NRIP3: variants seen among roughly 807,000 people sequenced by gnomAD.
NRIP3 encodes nuclear receptor interacting protein 3.
Under a neutral mutation model 29.0 loss-of-function variants are expected in NRIP3, and 31 were observed. The ratio of observed to expected loss-of-function variants is 1.07; its 90% confidence interval spans 0.80 to 1.44. The LOEUF is 1.44. Ranked by LOEUF, NRIP3 falls within the 40% of genes most tolerant of loss-of-function variation. The probability of loss-of-function intolerance (pLI) is 0.00; values close to 1 mark genes in which losing one functional copy is unlikely to be tolerated. For missense variants in NRIP3, 314 were observed against 297.9 expected (o/e 1.05, Z -0.40); for synonymous variants, 131 against 118.3 (o/e 1.11, Z -0.70).
At chr11:8,993,983 T>C (rs1697439763) in intron 1 of NRIP3, among the ~76,000 whole-genome samples, 1 of 152,138 alleles carries the variant, frequency 6.6e-6, no homozygotes, top group African/African-American at 2.4e-5. Context: ...AATAAAAATA[T>C]ACCCCATGTA....
At chr11:8,993,937 A>T (rs1168282141) in intron 1 of NRIP3, among the ~76,000 whole-genome samples, 3 of 152,158 alleles carry the variant, frequency 2.0e-5, no homozygotes, top group African/African-American at 7.2e-5. Context: ...TTAAATTTTT[A>T]AAAGTTTTAA....
At chr11:8,997,471 G>A (rs1474824003) in intron 1 of NRIP3, among the ~76,000 whole-genome samples, 1 of 151,722 alleles carries the variant, frequency 6.6e-6, no homozygotes, top group Non-Finnish European at 1.5e-5. Flanking sequence ...TCGTCTTTCT[G>A]ACGTGGATTC....
chr11:9,001,804 G>C (rs1361755482), intron 1 of NRIP3, among the ~76,000 whole-genome samples: 3 of 144,546 alleles, frequency 2.1e-5, no homozygotes, highest in Non-Finnish European at 4.4e-5. Context: ...TCTGTAACCT[G>C]GCTGTTCTGT....
chr11:8,987,259 G>C (rs2134911044), intron 3 of NRIP3, among the ~76,000 whole-genome samples: 1 of 152,272 alleles, frequency 6.6e-6, no homozygotes, highest in African/African-American at 2.4e-5. Flanking sequence ...GGCACACAAT[G>C]AGCCAGAGGT....
chr11:8,985,109 C>G (rs1039540191), intron 4 of NRIP3, among the ~76,000 whole-genome samples: 7 of 151,978 alleles, frequency 4.6e-5, no homozygotes, highest in African/African-American at 1.7e-4. Context: ...CCTTGGCCCC[C>G]CAAAGTGCTG....
chr11:8,991,760 G>A (rs1330929214), intron 1 of NRIP3, among the ~76,000 whole-genome samples: 1 of 152,182 alleles, frequency 6.6e-6, no homozygotes, highest in Non-Finnish European at 1.5e-5. Flanking sequence ...TCTTCCTCAT[G>A]AGAAGATACC....
chr11:9,003,337 C>T (rs1854842521), intron 1 of NRIP3, among the ~76,000 whole-genome samples: 1 of 152,220 alleles, frequency 6.6e-6, no homozygotes, highest in South Asian at 2.1e-4. Context: ...TGTCAAAAAA[C>T]CCTCTTTCCA....
intron 1 of NRIP3, among the ~76,000 whole-genome samples, chr11:8,998,925 C>T (rs1854754914): frequency 6.6e-6 from 1 of 150,670 alleles, no homozygotes; most frequent in Non-Finnish European, 1.5e-5. Flanking sequence ...TCCCGAGTTT[C>T]CCGAGTAGCT....
intron 1 of NRIP3, among the ~76,000 whole-genome samples, chr11:8,992,588 C>T (rs1473219487): frequency 6.6e-6 from 1 of 152,114 alleles, no homozygotes; most frequent in Non-Finnish European, 1.5e-5. Flanking sequence ...CAGTAACAGT[C>T]AAAGCTAAAA....
In NRIP3 at chr11:8,983,898, C is replaced by T. The variant is rs748965877; in HGVS notation, c.687G>A (p.Glu229=). 6.2e-7 allele frequency: 1 copy of T among 1,614,192 alleles called. No individual in the cohort carries two copies. The highest frequency in any genetic ancestry group is 8.5e-7 in the Non-Finnish European group (1 of 1,180,036). ...KTDKEEIPFV[E]TVSLNEDNTS... is the part of the protein sequence containing the mutation. ...ACTTGTCTTCATTCAAAGAGACTGT[C>T]TCCACAAAAGGGATTTCTTCCTTGT... The change falls in exon 6 of 7, where the codon GAG becomes GAA. Residue 229 remains glutamate (E), a synonymous_variant. Transcript: ENST00000309166.
intron 1 of NRIP3, among the ~76,000 whole-genome samples, chr11:8,999,864 A>T (rs1287004201): frequency 6.6e-6 from 1 of 151,772 alleles, no homozygotes. Flanking sequence ...AAATAGCCAG[A>T]CTCCACCCCA....
At position 8,983,866 on chromosome 11, in the gene NRIP3, G is replaced by C. The variant is rs1279807228; in HGVS notation, c.710+9C>G. Reference sequence around the variant, plus strand: ...GATGTGACTTGATCTGACCCATTTGGGCACTCACTTGTCTTCATTCAAAGA... The same window carrying C: ...GATGTGACTTGATCTGACCCATTTGCGCACTCACTTGTCTTCATTCAAAGA... On this transcript the variant is annotated intron_variant, in intron 6 of 6. Coordinates refer to ENST00000309166, the MANE Select transcript of NRIP3 (RefSeq NM_020645.3). 6.2e-7 allele frequency: 1 copy of C among 1,610,460 alleles called. No homozygotes were observed. The highest frequency in any genetic ancestry group is 1.7e-5 in the Admixed American group (1 of 60,014).
At chr11:8,997,940 T>G (rs1258693787) in intron 1 of NRIP3, among the ~76,000 whole-genome samples, 2 of 152,160 alleles carry the variant, frequency 1.3e-5, no homozygotes, top group Admixed American at 1.3e-4. Context: ...TAGCATTTAT[T>G]CCCAAGAGAG....
At chr11:8,986,526 C>T (rs1216672113) in intron 3 of NRIP3, among the ~76,000 whole-genome samples, 3 of 152,192 alleles carry the variant, frequency 2.0e-5, no homozygotes, top group East Asian at 1.9e-4. Flanking sequence ...TAATTATGAA[C>T]TTTCTGTGCC....
In NRIP3 at chr11:8,981,319, T is replaced by C. The variant is rs1854412624; in HGVS notation, c.*2226A>G. Reference sequence around the variant, plus strand: ...CCGTCTCTACTAAAAATACAAAAAATTAGCCAGGCGTGGTGGCAGGTGCCT... The same window carrying C: ...CCGTCTCTACTAAAAATACAAAAAACTAGCCAGGCGTGGTGGCAGGTGCCT... On this transcript the variant is annotated 3_prime_UTR_variant, in exon 7 of 7. Coordinates refer to ENST00000309166, the MANE Select transcript of NRIP3 (RefSeq NM_020645.3). 1 of 151,794 alleles carries C rather than the reference T, an allele frequency of 6.6e-6. No individual in the cohort carries two copies. Among genetic ancestry groups the C allele is most frequent in the Non-Finnish European group, 1.5e-5 (1 of 67,988 alleles). 9.4% of individuals were successfully genotyped at this position (151,794 alleles called of 1,614,324 possible). A position where few individuals can be genotyped will look rare whatever the true frequency, so the allele number is the denominator to read the frequency against.
Position 8,983,958 on chromosome 11 carries a change from G to A in NRIP3, c.627C>T (p.Asn209=). 6.2e-7 allele frequency: 1 copy of A among 1,614,126 alleles called. No homozygotes were observed. Among genetic ancestry groups the A allele is most frequent in the Non-Finnish European group, 8.5e-7 (1 of 1,179,976 alleles). ...QTLRSLKCII[N]LDKHRLIMGK... ...CCATGATCAGCCGGTGCTTATCCAA[G>A]TTTATGATGCACTGAAAACAGGTAA... The change falls in exon 6 of 7, where the codon AAC becomes AAT. Residue 209 remains asparagine, a synonymous_variant. Coordinates refer to ENST00000309166, the MANE Select transcript of NRIP3 (RefSeq NM_020645.3).
intron 1 of NRIP3, among the ~76,000 whole-genome samples, chr11:8,990,191 CCTT>C (rs1400758138): frequency 6.6e-6 from 1 of 152,184 alleles, no homozygotes; most frequent in African/African-American, 2.4e-5. Context: ...GATCCTGCTG[CCTT>C]TACTCTACAG....
At chr11:8,987,169 C>A (rs1186568826) in intron 3 of NRIP3, among the ~76,000 whole-genome samples, 2 of 152,212 alleles carry the variant, frequency 1.3e-5, no homozygotes, top group Non-Finnish European at 1.5e-5. Flanking sequence ...AGCCCCACCA[C>A]ATCCCTACTT....
intron 3 of NRIP3, 50 bp downstream of exon 3, chr11:8,987,498 C>T (rs772798163): frequency 1.0e-5 from 13 of 1,295,682 alleles, no homozygotes; most frequent in East Asian, 2.3e-5. Flanking sequence ...TAGAGTCAAG[C>T]GAAGAGTACA....
Sources: allele counts gnomAD v4.1 joint callset (sites outside exome capture counted in the v4.1 genomes callset), GRCh38; gene constraint gnomAD v4.1.1; transcripts MANE v1.5; gene names NCBI Gene and HGNC (gene_info 2026-07-23, HGNC 2026-07-21).